ACOX3: variants seen among roughly 807,000 people sequenced by gnomAD.
ACOX3 encodes peroxisomal acyl-coenzyme A oxidase 3.
ACOX3 carries 73 observed loss-of-function variants against 81.5 expected under a neutral mutation model. The observed-to-expected ratio is 0.90, with a 90% confidence interval of 0.74 to 1.09. The LOEUF (loss-of-function observed/expected upper bound fraction) is 1.09. ACOX3 is among the 50% of genes least tolerant of loss of function. The pLI, the probability that ACOX3 is intolerant of heterozygous loss-of-function variation, is 0.00. For missense variants in ACOX3, 947 were observed against 928.0 expected, an observed-to-expected ratio of 1.02 and a Z score of -0.27; for synonymous variants, 387 against 375.1, an observed-to-expected ratio of 1.03 and a Z score of -0.37.
At chr4:8,375,202 C>T (rs1218521551) in intron 14 of ACOX3, 50 bp from the exon 15 acceptor site, 1 of 1,475,858 alleles carries the variant, frequency 6.8e-7, no homozygotes, top group African/African-American at 1.4e-5. Context: ...CAGCCCCGCC[C>T]AGATTCCCGG....
Position 8,386,970 on chromosome 4 carries a change from A to G in ACOX3, c.1537+2203T>C, listed in dbSNP as rs1192189291. Among the ~76,000 whole-genome samples the G allele has an allele frequency of 6.6e-6, 1 of 152,236 alleles. No individual in the cohort carries two copies. The highest frequency in any genetic ancestry group is 2.1e-4 in the South Asian group (1 of 4,838). On this transcript the variant is annotated intron_variant, in intron 13 of 17. Coordinates refer to ENST00000356406, the MANE Select transcript of ACOX3 (RefSeq NM_003501.3). This position sits in a 1 kb window ranked among gnomAD's most constrained non-coding sequence, Gnocchi z 5.2. ...TCCTCCATGTGTGCCTGTCCCCTGCATGAGGGAGGCCAGTGCTCCCTCCTC... is the reference window on the plus strand; with the variant it reads ...TCCTCCATGTGTGCCTGTCCCCTGCGTGAGGGAGGCCAGTGCTCCCTCCTC...
intron 15 of ACOX3, chr4:8,374,380 G>GAAACT (rs1716658011): frequency 6.6e-6 from 1 of 152,652 alleles, no homozygotes; most frequent in African/African-American, 2.4e-5. Flanking sequence ...GGGGGTAAAC[G>GAAACT]CTGGCTCTTG....
intron 16 of ACOX3, among the ~76,000 whole-genome samples, chr4:8,371,889 T>C (rs1716258428): frequency 6.6e-6 from 1 of 152,370 alleles, no homozygotes; most frequent in Non-Finnish European, 1.5e-5. Context: ...AACTGCCTAC[T>C]GTGCCGTGGA....
At position 8,394,653 on chromosome 4, in the gene ACOX3, T is replaced by G; in HGVS notation, c.1146A>C (p.Arg382=). 6.2e-6 allele frequency: 10 copies of G among 1,613,878 alleles called. No homozygotes were observed. The highest frequency in any genetic ancestry group is 8.5e-6 in the Non-Finnish European group (10 of 1,180,008). Residue 382 remains arginine, a synonymous_variant, in exon 10 of 18, where the codon CGA becomes CGC. Transcript: ENST00000356406. This position sits in a 1 kb window ranked among gnomAD's most constrained non-coding sequence, Gnocchi z 5.9. ...SLFLDLVELQ[R]GLASGDRSAR... is the part of the protein sequence containing the mutation. ...CGCTGCGGTCTCCCGATGCAAGTCC[T>G]CGCTGGAGCTCCACCAGGTCCAGGA...
rs201069423 is a variant in ACOX3, at chr4:8,394,597, T to C, written c.1179+23A>G. Reference sequence around the variant, plus strand: ...CCGTGTGAGATTTAAACGATGCTGCTGAGGAAGCAGACACCACCTCACCTG... The same window carrying C: ...CCGTGTGAGATTTAAACGATGCTGCCGAGGAAGCAGACACCACCTCACCTG... On this transcript the variant is annotated intron_variant, in intron 10 of 17. Transcript: ENST00000356406. The surrounding 1 kb of genome is among the most constrained non-coding windows in gnomAD (Gnocchi z 5.9). The C allele has an allele frequency of 6.2e-7, 1 of 1,610,982 alleles. No individual in the cohort carries two copies.
At chr4:8,413,033 AGGG>A (rs1721905175) in intron 5 of ACOX3, among the ~76,000 whole-genome samples, 1 of 138,022 alleles carries the variant, frequency 7.2e-6, no homozygotes, top group Non-Finnish European at 1.5e-5. Flanking sequence ...TGACAGCCCC[AGGG>A]CATCCATCTG....
At chr4:8,434,540 G>A (rs763571913) in intron 1 of ACOX3, among the ~76,000 whole-genome samples, 2 of 152,256 alleles carry the variant, frequency 1.3e-5, no homozygotes, top group Non-Finnish European at 2.9e-5. Flanking sequence ...ATTTGCCCCC[G>A]TGGAATGCCT....
At chr4:8,395,980 A>G (rs181320256) in intron 9 of ACOX3, among the ~76,000 whole-genome samples, 111 of 152,348 alleles carry the variant, frequency 7.3e-4, no homozygotes, top group African/African-American at 2.5e-3. Flanking sequence ...TCTCACCTGT[A>G]AAGTGGGACT....
At chr4:8,356,873 T>C in the ACOX3 span, 2 of 452,368 alleles carry the variant, frequency 4.4e-6, no homozygotes, top group Non-Finnish European at 8.9e-6. Context: ...ACTAACATGA[T>C]CCCAGCAGGG....
In ACOX3 at chr4:8,397,106, C is replaced by A. The variant is rs146357488; in HGVS notation, c.887G>T (p.Arg296Leu). 6.4e-7 allele frequency: 1 copy of A among 1,558,522 alleles called. No individual in the cohort carries two copies. Among genetic ancestry groups the A allele is most frequent in the Admixed American group, 2.1e-5 (1 of 47,526 alleles). ...CAGGCTCCCCAGGGACGCTCCAAAG[C>A]GCTGCCTGACGTCCTACGGGAGGGA... Reference protein sequence around the residue: ...YVSPFKDVRQRFGASLGSLSS... With the variant: ...YVSPFKDVRQLFGASLGSLSS... Residue 296 changes from arginine (R) to leucine (L), a missense_variant, in exon 9 of 18, where the codon CGC (arginine) becomes CTC (leucine). Coordinates refer to ENST00000356406, the MANE Select transcript of ACOX3 (RefSeq NM_003501.3).
Position 8,390,492 on chromosome 4 carries a change from C to T in ACOX3, c.1301-758G>A, listed in dbSNP as rs6845992. On this transcript the variant is annotated intron_variant, in intron 11 of 17. Coordinates refer to ENST00000356406, the MANE Select transcript of ACOX3 (RefSeq NM_003501.3). ...TGCTGATAGGAGGGAGCCATCTCAGCGAGCTGATGCCCCCAGGGCTACCCT... is the reference window on the plus strand; with the variant it reads ...TGCTGATAGGAGGGAGCCATCTCAGTGAGCTGATGCCCCCAGGGCTACCCT... Among the ~76,000 whole-genome samples, 487 of 152,338 alleles carry T rather than the reference C, an allele frequency of 3.2e-3. 4 individuals carry two copies. The highest frequency in any genetic ancestry group is 0.011 in the African/African-American group (455 of 41,568).
chr4:8,409,015 G>A (rs918869242), intron 6 of ACOX3, among the ~76,000 whole-genome samples: 1 of 151,000 alleles, frequency 6.6e-6, no homozygotes, highest in Admixed American at 6.6e-5. Flanking sequence ...TGCTGGTGGG[G>A]AGAAACCCAC....
chr4:8,391,007 A>ATGTATGTGTATATGTATG (rs1718921107), intron 11 of ACOX3, among the ~76,000 whole-genome samples: 2 of 147,066 alleles, frequency 1.4e-5, no homozygotes, highest in Non-Finnish European at 1.5e-5. Context: ...GCATATGTAT[A>ATGTATGTGTATATGTATG]TGTATGTGTA....
chr4:8,371,189 C>T (rs902555828), intron 16 of ACOX3, among the ~76,000 whole-genome samples, 195 bp from the exon 17 acceptor site: 3 of 152,194 alleles, frequency 2.0e-5, no homozygotes, highest in Non-Finnish European at 2.9e-5. Flanking sequence ...GGAATGTTCT[C>T]ACCATGCTGC....
rs969014886 is a variant in ACOX3 at position 8,368,831 on chromosome 4, G to A, written c.1984-1751C>T. 3.3e-5 allele frequency among the ~76,000 whole-genome samples: 5 copies of A among 151,750 alleles called. No individual in the cohort carries two copies. Among genetic ancestry groups the A allele is most frequent in the Admixed American group, 2.0e-4 (3 of 15,240 alleles). On this transcript the variant is annotated intron_variant, in intron 17 of 17. Coordinates refer to ENST00000356406, the MANE Select transcript of ACOX3 (RefSeq NM_003501.3). This position sits in a 1 kb window ranked among gnomAD's most constrained non-coding sequence, Gnocchi z 5.9. ...ACAGCCTCGACCTCCCCAAGCTCAG[G>A]GGATCCTCTCACCTCAGTTTTTGTA...
intron 1 of ACOX3, among the ~76,000 whole-genome samples, chr4:8,420,853 T>A (rs1722865573): frequency 6.6e-6 from 1 of 152,174 alleles, no homozygotes; most frequent in Non-Finnish European, 1.5e-5. Flanking sequence ...CCATTGCTGC[T>A]CCCAATCGGG....
chr4:8,355,591 A>C, the ACOX3 span: 1 of 152,210 alleles, frequency 6.6e-6, no homozygotes, highest in African/African-American at 2.4e-5. Flanking sequence ...AAAGAGATGA[A>C]AGTGTAAATA....
intron 7 of ACOX3, among the ~76,000 whole-genome samples, chr4:8,402,515 A>G (rs907570201): frequency 1.3e-5 from 2 of 152,170 alleles, no homozygotes; most frequent in African/African-American, 4.8e-5. Flanking sequence ...CGCCCTTTTT[A>G]AGGAGTGGAA....
chr4:8,412,014 AAGTGG>A (rs1721777550), intron 5 of ACOX3, among the ~76,000 whole-genome samples: 1 of 152,174 alleles, frequency 6.6e-6, no homozygotes, highest in African/African-American at 2.4e-5. Flanking sequence ...TGGAAATGGG[AAGTGG>A]TCCTCTGATG....
Sources: gnomAD v4.1 joint callset for allele counts (sites outside exome capture counted in the v4.1 genomes callset) on GRCh38, gnomAD v4.1.1 for gene constraint, Gnocchi (gnomAD v3.1) non-coding constraint, MANE v1.5 for transcripts, NCBI Gene and HGNC (gene_info 2026-07-23, HGNC 2026-07-21) for gene names.